KCNIP1: variants seen among roughly 807,000 people sequenced by gnomAD.
KCNIP1 encodes the protein A-type potassium channel modulatory protein KCNIP1.
In KCNIP1, 18 loss-of-function variants were observed where a neutral mutation model predicts 33.0. The observed-to-expected ratio is 0.55, with a 90% CI of 0.38 to 0.81. The LOEUF is 0.81. Ranked by LOEUF, KCNIP1 falls within the 30% of genes least tolerant of loss-of-function variation. The pLI is 0.00. For synonymous variants in KCNIP1, 93 were observed against 98.3 expected, an observed-to-expected ratio of 0.95 and a Z score of 0.32; for missense variants, 238 against 271.6, an observed-to-expected ratio of 0.88 and a Z score of 0.87.
At chr5:170,583,381 T>C (rs1757869158) in intron 1 of KCNIP1, among the ~76,000 whole-genome samples, 1 of 152,154 alleles carries the variant, frequency 6.6e-6, no homozygotes, top group African/African-American at 2.4e-5. Flanking sequence ...CTTGTGTATA[T>C]TAGATGCAGG....
intron 1 of KCNIP1, among the ~76,000 whole-genome samples, chr5:170,367,409 GAAA>G (rs1269333302): frequency 0.035 from 3,876 of 110,430 alleles, 84 homozygotes; most frequent in Non-Finnish European, 0.047. Flanking sequence ...AAGAAAGAAA[GAAA>G]GAAAGAAAGG....
intron 1 of KCNIP1, among the ~76,000 whole-genome samples, chr5:170,711,023 T>G (rs1301610946): frequency 1.3e-5 from 2 of 152,238 alleles, no homozygotes; most frequent in African/African-American, 4.8e-5. Flanking sequence ...ATGCTGTATG[T>G]GCTAAACACC....
At chr5:170,735,682 C>A in intron 7 of KCNIP1, 77 bp from the exon 8 acceptor site, 14 of 1,262,260 alleles carry the variant, frequency 1.1e-5, no homozygotes, top group Non-Finnish European at 1.6e-5. Context: ...CCATGCTTGA[C>A]ATTTGCTCAC....
chr5:170,705,443 G>A (rs577867370), intron 1 of KCNIP1, among the ~76,000 whole-genome samples: 8 of 152,304 alleles, frequency 5.3e-5, no homozygotes, highest in Admixed American at 3.3e-4. Flanking sequence ...AGTGCTCATG[G>A]ACTGTCCGGA....
intron 1 of KCNIP1, among the ~76,000 whole-genome samples, chr5:170,718,431 A>T (rs1207106447): frequency 6.6e-6 from 1 of 152,244 alleles, no homozygotes; most frequent in East Asian, 1.9e-4. Context: ...AGAAGGTTCC[A>T]TGGGAAACAA....
chr5:170,722,014 C>A (rs1216425621), intron 4 of KCNIP1, 111 bp downstream of exon 4: 3 of 1,248,538 alleles, frequency 2.4e-6, no homozygotes, highest in East Asian at 2.3e-5. Context: ...CTCAGTCAGA[C>A]CAAAGACATG....
chr5:170,508,532 T>C (rs759236693), intron 1 of KCNIP1, among the ~76,000 whole-genome samples: 6 of 152,234 alleles, frequency 3.9e-5, no homozygotes, highest in Non-Finnish European at 7.3e-5. Flanking sequence ...AGTAGCCGTG[T>C]TGTCACATAG....
chr5:170,685,061 G>A (rs1336785004), intron 1 of KCNIP1, among the ~76,000 whole-genome samples: 1 of 151,966 alleles, frequency 6.6e-6, no homozygotes, highest in African/African-American at 2.4e-5. Flanking sequence ...CTCCTTCAAG[G>A]TAAATGGGAA....
intron 1 of KCNIP1, among the ~76,000 whole-genome samples, chr5:170,415,332 T>C (rs949514678): frequency 6.6e-6 from 1 of 152,166 alleles, no homozygotes; most frequent in Non-Finnish European, 1.5e-5. Flanking sequence ...CCCAGGACTT[T>C]CTACAACGGT....
chr5:170,440,357 C>T (rs1755961780), intron 1 of KCNIP1, among the ~76,000 whole-genome samples: 1 of 152,210 alleles, frequency 6.6e-6, no homozygotes, highest in African/African-American at 2.4e-5. Flanking sequence ...GCCATTTAAA[C>T]CACAAATACA....
At chr5:170,731,949 A>G (rs1446906625) in intron 5 of KCNIP1, among the ~76,000 whole-genome samples, 1 of 151,968 alleles carries the variant, frequency 6.6e-6, no homozygotes, top group Non-Finnish European at 1.5e-5. Context: ...AGTTAATAAT[A>G]GTGAAGCCAT....
intron 1 of KCNIP1, among the ~76,000 whole-genome samples, chr5:170,566,173 G>T (rs188787579): frequency 3.3e-5 from 5 of 151,968 alleles, no homozygotes; most frequent in East Asian, 1.9e-4. Context: ...CGATTCTCCC[G>T]CCTCAGCCTC....
chr5:170,720,273 A>G (rs1763773008), intron 2 of KCNIP1, 48 bp from the exon 3 acceptor site: 1 of 1,359,300 alleles, frequency 7.4e-7, no homozygotes, highest in Non-Finnish European at 1.1e-6. Flanking sequence ...GTCTTCTCCT[A>G]GTGCTGGCCC....
intron 1 of KCNIP1, among the ~76,000 whole-genome samples, chr5:170,640,072 C>T (rs975199258): frequency 6.6e-6 from 1 of 152,208 alleles, no homozygotes; most frequent in African/African-American, 2.4e-5. Context: ...CAACAGCCTG[C>T]TCTGTGAGAG....
At chr5:170,676,686 A>G (rs1762157567) in intron 1 of KCNIP1, among the ~76,000 whole-genome samples, 4 of 152,200 alleles carry the variant, frequency 2.6e-5, no homozygotes, top group Admixed American at 2.6e-4. Flanking sequence ...TGTTGAGTCA[A>G]GGGCACATGG....
intron 1 of KCNIP1, among the ~76,000 whole-genome samples, chr5:170,575,896 C>T (rs1254105676): frequency 6.6e-6 from 1 of 152,112 alleles, no homozygotes; most frequent in Non-Finnish European, 1.5e-5. Flanking sequence ...AAAGTTTAAC[C>T]CAGGCACTGA....
At chr5:170,365,732 T>A (rs768068191) in intron 1 of KCNIP1, among the ~76,000 whole-genome samples, 5 of 152,216 alleles carry the variant, frequency 3.3e-5, no homozygotes, top group Non-Finnish European at 7.3e-5. Context: ...GGATGCTGAA[T>A]CCATTACCAC....
At chr5:170,665,796 T>A (rs974725303) in intron 1 of KCNIP1, among the ~76,000 whole-genome samples, 2 of 152,214 alleles carry the variant, frequency 1.3e-5, no homozygotes, top group African/African-American at 2.4e-5. Context: ...ATTAAGGAGA[T>A]ATTGGGCAGA....
In KCNIP1 at chr5:170,407,767, A is replaced by G. The variant is rs140174665; in HGVS notation, c.88+53803A>G. Among the ~76,000 whole-genome samples the G allele has an allele frequency of 6.6e-5, 10 of 152,338 alleles. No individual in the cohort carries two copies. The South Asian group carries it at 1.0e-3, about 16-fold the overall frequency. On this transcript the variant is annotated intron_variant, in intron 1 of 7. Coordinates refer to the KCNIP1 transcript ENST00000377360. Reference sequence around the variant, plus strand: ...ACATTATTGACAGAACAAGTGCCCAATCTGAAAATGTGTCACATTCCTGCT... The same window carrying G: ...ACATTATTGACAGAACAAGTGCCCAGTCTGAAAATGTGTCACATTCCTGCT...
Sources: gnomAD v4.1 joint callset for allele counts (sites outside exome capture counted in the v4.1 genomes callset) on GRCh38, gnomAD v4.1.1 for gene constraint, MANE v1.5 for transcripts, NCBI Gene and HGNC (gene_info 2026-07-23, HGNC 2026-07-21) for gene names.